Variants in SORCS3 observed in about 807,000 individuals in gnomAD.
SORCS3 encodes VPS10 domain-containing receptor SorCS3.
A neutral mutation model predicts 146.3 loss-of-function variants in SORCS3; 57 were observed. The ratio of observed to expected loss-of-function variants is 0.39; its 90% CI spans 0.31 to 0.49. The LOEUF (loss-of-function observed/expected upper bound fraction) is 0.49. Ranked by LOEUF, SORCS3 falls within the 20% of genes least tolerant of loss-of-function variation. The pLI is 0.92. For missense variants in SORCS3, 1,341 were observed against 1,575.5 expected (o/e 0.85, Z 2.52); for synonymous variants, 653 against 618.5 (o/e 1.06, Z -0.83).
rs548190335 is a variant in SORCS3 at position 104,698,070 on chromosome 10, G to A, written c.627+56116G>A. On this transcript the variant is annotated intron_variant, in intron 1 of 26. Transcript: ENST00000369701. The stretch of plus-strand genomic sequence containing the variant: ...AGAGAAGGAAGTTTTCATGAGGGCC[G>A]TGAAATAATTGGAACAACTCTTTCT... Among the ~76,000 whole-genome samples, 5 of 152,286 alleles carry A rather than the reference G, an allele frequency of 3.3e-5. No homozygotes were observed. The South Asian group carries it at 6.2e-4, about 19-fold the overall frequency.
At chr10:104,799,794 G>A (rs1365223198) in intron 1 of SORCS3, among the ~76,000 whole-genome samples, 1 of 151,862 alleles carries the variant, frequency 6.6e-6, no homozygotes, top group African/African-American at 2.4e-5. Flanking sequence ...TCCTGCCTCA[G>A]CCTCCTGAGT....
At chr10:105,170,902 T>C (rs1589669627) in intron 13 of SORCS3, among the ~76,000 whole-genome samples, 1 of 152,182 alleles carries the variant, frequency 6.6e-6, no homozygotes, top group East Asian at 1.9e-4. Context: ...AGCCAGCTTT[T>C]TCTTCACTAG....
At chr10:105,226,596 C>T (rs1407341742) in intron 20 of SORCS3, among the ~76,000 whole-genome samples, 1 of 151,858 alleles carries the variant, frequency 6.6e-6, no homozygotes, top group Non-Finnish European at 1.5e-5. Context: ...GCATTCCCTC[C>T]TCTTAAATTT....
At chr10:105,145,390 G>A (rs2056123671) in intron 8 of SORCS3, among the ~76,000 whole-genome samples, 1 of 151,778 alleles carries the variant, frequency 6.6e-6, no homozygotes. Flanking sequence ...AGGTGACACA[G>A]CCCCGGGAAA....
At chr10:105,069,022 G>A (rs999135147) in intron 5 of SORCS3, among the ~76,000 whole-genome samples, 18 of 152,140 alleles carry the variant, frequency 1.2e-4, no homozygotes, top group Non-Finnish European at 1.0e-4. Flanking sequence ...ACCATAGATC[G>A]TTTTGGAAAT....
intron 1 of SORCS3, chr10:104,664,532 A>T (rs1052318751): frequency 6.6e-6 from 1 of 152,200 alleles, no homozygotes; most frequent in African/African-American, 2.4e-5. Flanking sequence ...TGTCCTGCTT[A>T]TGTCACCACA....
intron 1 of SORCS3, among the ~76,000 whole-genome samples, chr10:104,673,856 T>C (rs920636204): frequency 2.6e-5 from 4 of 152,222 alleles, no homozygotes; most frequent in Admixed American, 6.5e-5. Context: ...CCAGCCTAAC[T>C]TCAATAACAT....
At chr10:104,885,530 C>T (rs1448396847) in intron 2 of SORCS3, among the ~76,000 whole-genome samples, 2 of 152,210 alleles carry the variant, frequency 1.3e-5, no homozygotes, top group South Asian at 4.1e-4. Context: ...AGGACCGGAA[C>T]AGTGTTAATG....
chr10:104,993,315 A>G (rs1418188154), intron 4 of SORCS3, among the ~76,000 whole-genome samples: 2 of 152,120 alleles, frequency 1.3e-5, no homozygotes, highest in Non-Finnish European at 2.9e-5. Context: ...TCTTCCCTGT[A>G]GTTGCTTTTC....
chr10:105,202,427 G>A (rs1330539150), intron 16 of SORCS3, among the ~76,000 whole-genome samples: 1 of 152,022 alleles, frequency 6.6e-6, no homozygotes, highest in African/African-American at 2.4e-5. Context: ...CCAAATCTTA[G>A]TATGGCCGGC....
At chr10:105,104,386 A>T (rs999466547) in intron 6 of SORCS3, among the ~76,000 whole-genome samples, 1 of 152,144 alleles carries the variant, frequency 6.6e-6, no homozygotes, top group Non-Finnish European at 1.5e-5. Context: ...GAGCAAAAAA[A>T]CCGAATGGAT....
intron 11 of SORCS3, 29 bp downstream of exon 11, chr10:105,159,023 CT>C: frequency 6.7e-7 from 1 of 1,501,184 alleles, no homozygotes; most frequent in Non-Finnish European, 9.2e-7. Flanking sequence ...GTGCTTCTTC[CT>C]TACTGAGAGT....
intron 1 of SORCS3, among the ~76,000 whole-genome samples, chr10:104,755,923 C>A (rs912729340): frequency 1.3e-5 from 2 of 152,076 alleles, no homozygotes; most frequent in African/African-American, 4.8e-5. Context: ...CTTTTAAGTA[C>A]CCTTAATTAC....
intron 3 of SORCS3, among the ~76,000 whole-genome samples, chr10:104,961,439 C>G (rs1185081342): frequency 6.6e-6 from 1 of 152,108 alleles, no homozygotes; most frequent in African/African-American, 2.4e-5. Context: ...ATCAAAACAT[C>G]AAAAATAAGC....
At chr10:105,074,910 A>T (rs924856134) in intron 5 of SORCS3, among the ~76,000 whole-genome samples, 6 of 152,222 alleles carry the variant, frequency 3.9e-5, no homozygotes, top group African/African-American at 1.4e-4. Flanking sequence ...TACAATTAAA[A>T]ATGTTACCAC....
chr10:104,760,500 A>T (rs2017107741), intron 1 of SORCS3, among the ~76,000 whole-genome samples: 1 of 152,184 alleles, frequency 6.6e-6, no homozygotes, highest in African/African-American at 2.4e-5. Context: ...CTCCAAGTTG[A>T]ACATTTTTCT....
intron 1 of SORCS3, among the ~76,000 whole-genome samples, chr10:104,658,187 T>A (rs1346391864): frequency 6.6e-6 from 1 of 152,232 alleles, no homozygotes; most frequent in Admixed American, 6.5e-5. Context: ...TGTCACATGC[T>A]AACTGAATAT....
At chr10:105,235,911 A>G (rs1026724787) in intron 20 of SORCS3, among the ~76,000 whole-genome samples, 1 of 152,156 alleles carries the variant, frequency 6.6e-6, no homozygotes, top group Non-Finnish European at 1.5e-5. Flanking sequence ...ATTTTATAGC[A>G]TAAATATATA....
intron 1 of SORCS3, among the ~76,000 whole-genome samples, chr10:104,741,344 C>T (rs1234006845): frequency 1.3e-5 from 2 of 151,886 alleles, no homozygotes; most frequent in African/African-American, 2.4e-5. Flanking sequence ...CACACTTGGC[C>T]GTTGTGGTCC....
Sources: gnomAD v4.1 joint callset for allele counts (sites outside exome capture counted in the v4.1 genomes callset) on GRCh38, gnomAD v4.1.1 for gene constraint, MANE v1.5 for transcripts, NCBI Gene and HGNC (gene_info 2026-07-23, HGNC 2026-07-21) for gene names.